PRICKLE2: variants seen among roughly 807,000 people sequenced by gnomAD.
PRICKLE2 encodes the protein prickle planar cell polarity protein 2, also known as prickle-like protein 2.
A neutral mutation model predicts 81.4 loss-of-function variants in PRICKLE2; 21 were observed. The observed-to-expected ratio is 0.26, with a 90% CI of 0.18 to 0.37. The LOEUF is 0.37. Among genes scored for constraint, PRICKLE2 ranks in the 10% least tolerant of loss-of-function variants. The pLI, the probability that PRICKLE2 is intolerant of heterozygous loss-of-function variation, is 1.00. For synonymous variants in PRICKLE2, 456 were observed against 421.5 expected, an observed-to-expected ratio of 1.08 and a Z score of -1.00; for missense variants, 940 against 1,109.0, an observed-to-expected ratio of 0.85 and a Z score of 2.16.
chr3:64,109,845 G>A (rs898404400), intron 7 of PRICKLE2, among the ~76,000 whole-genome samples: 9 of 152,208 alleles, frequency 5.9e-5, no homozygotes, highest in African/African-American at 2.2e-4. Context: ...GCATTATAAT[G>A]GGACTAGAAT....
intron 2 of PRICKLE2, among the ~76,000 whole-genome samples, chr3:64,185,346 C>G (rs1432120839): frequency 6.6e-6 from 1 of 152,108 alleles, no homozygotes; most frequent in Non-Finnish European, 1.5e-5. Context: ...GAAAAGACAG[C>G]CTCCCAACTA....
intron 2 of PRICKLE2, among the ~76,000 whole-genome samples, chr3:64,175,960 A>G (rs1217590988): frequency 2.0e-5 from 3 of 152,158 alleles, no homozygotes; most frequent in African/African-American, 7.2e-5. Flanking sequence ...ACCATGAAGC[A>G]CCTAGGCTCT....
chr3:64,256,310 A>G (rs1346394482), intron 2 of PRICKLE2, among the ~76,000 whole-genome samples: 1 of 152,232 alleles, frequency 6.6e-6, no homozygotes, highest in African/African-American at 2.4e-5. Context: ...CACTTCCTCA[A>G]AAATGAATTC....
At chr3:64,243,198 G>A (rs2079294424) in intron 2 of PRICKLE2, among the ~76,000 whole-genome samples, 1 of 152,210 alleles carries the variant, frequency 6.6e-6, no homozygotes, top group African/African-American at 2.4e-5. Flanking sequence ...GTAGAAAACA[G>A]AAAGTTTCAA....
chr3:64,146,690 C>T lies in PRICKLE2; in HGVS notation c.1660+140G>A, dbSNP rs1405345507. 2.1e-5 allele frequency: 19 copies of T among 893,416 alleles called. No homozygotes were observed. The East Asian group carries it at 3.0e-4, about 14-fold the overall frequency. The allele number at this position is 893,416 out of a possible 1,614,324, so 55.3% of individuals were successfully genotyped here. On this transcript the variant is annotated intron_variant, in intron 7 of 7. Coordinates refer to ENST00000638394, the MANE Select transcript of PRICKLE2 (RefSeq NM_198859.4). ...CCCGGGAGGTGGAGCTTGCAGTGAG[C>T]GGAGATCGTGCCACTGCACTCCAGC...
At chr3:64,174,585 T>A (rs1419378171) in intron 2 of PRICKLE2, 2 of 162,332 alleles carry the variant, frequency 1.2e-5, no homozygotes, top group South Asian at 1.8e-4. Flanking sequence ...GCACTTGCTG[T>A]CACCCTATTT....
intron 7 of PRICKLE2, among the ~76,000 whole-genome samples, chr3:64,110,514 G>C (rs2076826266): frequency 6.6e-6 from 1 of 152,172 alleles, no homozygotes. Context: ...GACCGTTACA[G>C]ATAATAATCA....
At chr3:64,137,709 T>C (rs751705855) in intron 7 of PRICKLE2, among the ~76,000 whole-genome samples, 2 of 152,130 alleles carry the variant, frequency 1.3e-5, no homozygotes, top group Non-Finnish European at 2.9e-5. Flanking sequence ...GCTTCCCACA[T>C]GCCAGGAAAG....
At position 64,099,950 on chromosome 3, in the gene PRICKLE2, A is replaced by G; in HGVS notation, c.1661-25T>C. 4.3e-6 allele frequency: 7 copies of G among 1,612,550 alleles called. No individual in the cohort carries two copies. Among genetic ancestry groups the G allele is most frequent in the Non-Finnish European group, 5.9e-6 (7 of 1,179,190 alleles). On this transcript the variant is annotated intron_variant, in intron 7 of 7. Coordinates refer to ENST00000638394, the MANE Select transcript of PRICKLE2 (RefSeq NM_198859.4). This position sits in a 1 kb window ranked among gnomAD's most constrained non-coding sequence, Gnocchi z 4.3. ...CCTGGGGAAGAGAGGAGGGGACCAC[A>G]GAGATTAATACAGATGTGCAGCAAT...
At chr3:64,212,691 C>T (rs1559582763) in intron 1 of PRICKLE2, among the ~76,000 whole-genome samples, 1 of 152,206 alleles carries the variant, frequency 6.6e-6, no homozygotes, top group Admixed American at 6.5e-5. Flanking sequence ...CCTAACTTCA[C>T]TGAGTTGCCA....
chr3:64,260,301 T>A (rs986636118), intron 2 of PRICKLE2, among the ~76,000 whole-genome samples: 7 of 152,182 alleles, frequency 4.6e-5, no homozygotes, highest in African/African-American at 1.7e-4. Flanking sequence ...AGTTATCACT[T>A]TGCCAAGCTC....
intron 1 of PRICKLE2, among the ~76,000 whole-genome samples, chr3:64,208,905 C>T (rs1374063458): frequency 6.6e-6 from 1 of 152,172 alleles, no homozygotes; most frequent in East Asian, 1.9e-4. Flanking sequence ...CATATCCATC[C>T]ATCTACCTGT....
chr3:64,210,138 C>T lies in PRICKLE2; in HGVS notation c.-40-11171G>A, dbSNP rs532626844. On this transcript the variant is annotated intron_variant, in intron 1 of 7. Coordinates refer to ENST00000638394, the MANE Select transcript of PRICKLE2 (RefSeq NM_198859.4). ...AAGCACAGATGTGAAATTCAGGGGA[C>T]GGTGCCATTTTAGTGGGTGTAGGAA... 2.2e-4 allele frequency among the ~76,000 whole-genome samples: 33 copies of T among 152,180 alleles called. 1 individual carries two copies. The South Asian group carries it at 6.0e-3, about 28-fold the overall frequency.
At chr3:64,138,945 A>G (rs2077317718) in intron 7 of PRICKLE2, among the ~76,000 whole-genome samples, 1 of 152,282 alleles carries the variant, frequency 6.6e-6, no homozygotes, top group South Asian at 2.1e-4. Flanking sequence ...TATCCAAGTT[A>G]TGCAGAAGAA....
chr3:64,235,933 G>T (rs1424414087), intron 2 of PRICKLE2, among the ~76,000 whole-genome samples: 1 of 152,098 alleles, frequency 6.6e-6, no homozygotes, highest in Non-Finnish European at 1.5e-5. Context: ...CGTTGTGTGT[G>T]TGTAGTTGGG....
At chr3:64,255,782 G>A (rs1464330835) in intron 2 of PRICKLE2, among the ~76,000 whole-genome samples, 3 of 152,204 alleles carry the variant, frequency 2.0e-5, no homozygotes, top group Admixed American at 6.5e-5. Context: ...TTGCAAAGAC[G>A]TGTGGTCATA....
intron 3 of PRICKLE2, among the ~76,000 whole-genome samples, chr3:64,161,086 C>G (rs375188198): frequency 1.3e-5 from 2 of 151,698 alleles, no homozygotes; most frequent in East Asian, 3.9e-4. Context: ...AGATCCCTGA[C>G]GCTCCTACTT....
intron 1 of PRICKLE2, chr3:64,200,176 A>T (rs13099983): frequency 2.0e-5 from 3 of 151,980 alleles, no homozygotes; most frequent in Non-Finnish European, 4.4e-5. Context: ...TTCTGTCTCT[A>T]TGGTTTTGCC....
intron 2 of PRICKLE2, among the ~76,000 whole-genome samples, chr3:64,165,424 G>A (rs1484770099): frequency 2.6e-5 from 4 of 152,190 alleles, no homozygotes; most frequent in Non-Finnish European, 2.9e-5. Flanking sequence ...TTAAATGAGA[G>A]TGTAGGCACA....
Sources: gnomAD v4.1 joint callset for allele counts (sites outside exome capture counted in the v4.1 genomes callset) on GRCh38, gnomAD v4.1.1 for gene constraint, Gnocchi (gnomAD v3.1) non-coding constraint, MANE v1.5 for transcripts, NCBI Gene and HGNC (gene_info 2026-07-23, HGNC 2026-07-21) for gene names.